CAMKMT: variants seen among roughly 807,000 people sequenced by gnomAD.
CAMKMT encodes calmodulin-lysine N-methyltransferase, also known as CaM KMT.
A neutral mutation model predicts 48.0 loss-of-function variants in CAMKMT; 53 were observed. The observed-to-expected ratio is 1.10, with a 90% CI of 0.89 to 1.39. The LOEUF (loss-of-function observed/expected upper bound fraction) is 1.39, where lower values mean the gene tolerates loss of function less well. CAMKMT is among the 40% of genes most tolerant of loss of function. The pLI, the probability that CAMKMT is intolerant of heterozygous loss-of-function variation, is 0.00. For missense variants in CAMKMT, 428 were observed against 402.7 expected, an observed-to-expected ratio of 1.06 and a Z score of -0.54; for synonymous variants, 165 against 152.3, an observed-to-expected ratio of 1.08 and a Z score of -0.61.
rs1375666769 is a variant in CAMKMT, at chr2:44,715,352, T to A, written c.622T>A (p.Cys208Ser). The change falls in exon 7 of 11, where the codon TGC becomes AGC. Residue 208 changes from cysteine to serine, a missense_variant and splice_region_variant. Cys to Ser is a moderately radical substitution (Grantham distance 112). Transcript: ENST00000378494. Reference sequence around the variant, plus strand: ...GTTTAAGACCCAGAAAATATCAAGCTGGTAAGATACCTTTCTGCATTAAAA... The same window carrying A: ...GTTTAAGACCCAGAAAATATCAAGCAGGTAAGATACCTTTCTGCATTAAAA... ...GVFKTQKISS[C>S]VLRWDNETDV... The A allele has an allele frequency of 6.2e-7, 1 of 1,611,016 alleles. No homozygotes were observed. Among genetic ancestry groups the A allele is most frequent in the Non-Finnish European group, 8.5e-7 (1 of 1,177,710 alleles).
At chr2:44,432,937 G>A (rs2104541491) in intron 3 of CAMKMT, among the ~76,000 whole-genome samples, 1 of 152,144 alleles carries the variant, frequency 6.6e-6, no homozygotes, top group South Asian at 2.1e-4. Context: ...ATAATGAAAA[G>A]AGCTTAATAG....
At chr2:44,658,389 C>A (rs890713746) in intron 3 of CAMKMT, among the ~76,000 whole-genome samples, 3 of 152,124 alleles carry the variant, frequency 2.0e-5, no homozygotes, top group Admixed American at 2.0e-4. Flanking sequence ...AAAGGGGGCA[C>A]CGGGTGTGCT....
chr2:44,529,740 A>T (rs572490936), intron 3 of CAMKMT, among the ~76,000 whole-genome samples: 5 of 152,318 alleles, frequency 3.3e-5, no homozygotes, highest in African/African-American at 1.2e-4. Flanking sequence ...TATTTCTATC[A>T]AAGAAATTTG....
At chr2:44,609,568 C>A (rs1434319814) in intron 3 of CAMKMT, among the ~76,000 whole-genome samples, 1 of 152,138 alleles carries the variant, frequency 6.6e-6, no homozygotes. Flanking sequence ...CCATTTTAAT[C>A]CCTGTGGGTA....
chr2:44,695,652 T>C (rs1279523914), intron 3 of CAMKMT, among the ~76,000 whole-genome samples: 3 of 152,170 alleles, frequency 2.0e-5, no homozygotes, highest in Non-Finnish European at 4.4e-5. Context: ...TTTTAAGGCA[T>C]AAACCCACGT....
At chr2:44,662,451 C>G (rs572172153) in intron 3 of CAMKMT, among the ~76,000 whole-genome samples, 2 of 152,304 alleles carry the variant, frequency 1.3e-5, no homozygotes, top group African/African-American at 4.8e-5. Context: ...GAAATTGTGT[C>G]TTAGTCACAT....
intron 10 of CAMKMT, among the ~76,000 whole-genome samples, chr2:44,771,605 T>C (rs775708880): frequency 6.6e-6 from 1 of 152,214 alleles, no homozygotes; most frequent in Non-Finnish European, 1.5e-5. Context: ...AGCCTTTCCC[T>C]GTGCCCAGAT....
intron 3 of CAMKMT, among the ~76,000 whole-genome samples, chr2:44,538,716 C>T (rs547026517): frequency 1.3e-5 from 2 of 152,034 alleles, no homozygotes; most frequent in East Asian, 1.9e-4. Context: ...CAGAGTTCAC[C>T]ACTGTGGAAT....
At chr2:44,633,150 TAC>T (rs372596336) in intron 3 of CAMKMT, among the ~76,000 whole-genome samples, 3 of 152,172 alleles carry the variant, frequency 2.0e-5, no homozygotes, top group Middle Eastern at 3.2e-3. Flanking sequence ...AAGTCAAAAG[TAC>T]ACCCATTTTT....
chr2:44,450,737 T>C (rs972079636), intron 3 of CAMKMT, among the ~76,000 whole-genome samples: 9 of 152,192 alleles, frequency 5.9e-5, no homozygotes, highest in Admixed American at 4.6e-4. Context: ...ACTATTTCTC[T>C]GTGGAGTCCA....
chr2:44,425,815 C>T (rs372971786), intron 3 of CAMKMT, among the ~76,000 whole-genome samples: 16 of 151,938 alleles, frequency 1.1e-4, no homozygotes, highest in African/African-American at 3.9e-4. Flanking sequence ...ACTGCAACCT[C>T]CACCTCCCGA....
chr2:44,500,630 C>A (rs1669959623), intron 3 of CAMKMT, among the ~76,000 whole-genome samples: 1 of 150,922 alleles, frequency 6.6e-6, no homozygotes, highest in Non-Finnish European at 1.5e-5. Context: ...TGTTTTGTCA[C>A]ATATTAGTTG....
intron 7 of CAMKMT, among the ~76,000 whole-genome samples, chr2:44,725,908 G>T (rs1678757270): frequency 6.6e-6 from 1 of 151,352 alleles, no homozygotes; most frequent in South Asian, 2.1e-4. Context: ...TGGGAATATT[G>T]CATGATGCTG....
intron 3 of CAMKMT, among the ~76,000 whole-genome samples, chr2:44,601,862 A>G (rs1438200742): frequency 6.6e-6 from 1 of 152,090 alleles, no homozygotes; most frequent in Non-Finnish European, 1.5e-5. Flanking sequence ...AGGAAAAGTA[A>G]TCATGATTCC....
intron 3 of CAMKMT, among the ~76,000 whole-genome samples, chr2:44,416,662 C>G (rs548908538): frequency 6.8e-6 from 1 of 147,180 alleles, no homozygotes; most frequent in African/African-American, 2.5e-5. Flanking sequence ...CAACCTGTGC[C>G]TCCTGGGTTC....
intron 3 of CAMKMT, among the ~76,000 whole-genome samples, chr2:44,500,469 T>G (rs1669952195): frequency 6.6e-6 from 1 of 152,106 alleles, no homozygotes; most frequent in Non-Finnish European, 1.5e-5. Flanking sequence ...GTCATCTAGT[T>G]TATAAGATTA....
At chr2:44,650,955 G>A (rs568714685) in intron 3 of CAMKMT, among the ~76,000 whole-genome samples, 4 of 152,210 alleles carry the variant, frequency 2.6e-5, no homozygotes, top group Admixed American at 2.6e-4. Context: ...CCAATAGCTA[G>A]CTGGTCAAAG....
At chr2:44,505,295 T>C (rs2104752522) in intron 3 of CAMKMT, among the ~76,000 whole-genome samples, 1 of 152,340 alleles carries the variant, frequency 6.6e-6, no homozygotes, top group Non-Finnish European at 1.5e-5. Flanking sequence ...TGCTACTCTT[T>C]GTTGGATATG....
At chr2:44,559,699 A>G (rs1202519484) in intron 3 of CAMKMT, among the ~76,000 whole-genome samples, 1 of 152,186 alleles carries the variant, frequency 6.6e-6, no homozygotes, top group Non-Finnish European at 1.5e-5. Flanking sequence ...GAGGATAATT[A>G]TGGAGGAGGG....
Sources: allele counts gnomAD v4.1 joint callset (sites outside exome capture counted in the v4.1 genomes callset), GRCh38; gene constraint gnomAD v4.1.1; transcripts MANE v1.5; gene names NCBI Gene and HGNC (gene_info 2026-07-23, HGNC 2026-07-21).